UGT1A7: variants seen among roughly 807,000 people sequenced by gnomAD.
UGT1A7 encodes the protein UDP glucuronosyltransferase family 1 member A7, also known as UDP-glucuronosyltransferase 1A7.
A neutral mutation model predicts 45.6 loss-of-function variants in UGT1A7; 33 were observed. The observed-to-expected ratio is 0.72, with a 90% confidence interval of 0.55 to 0.97. The LOEUF is 0.97. Ranked by LOEUF, UGT1A7 falls within the 50% of genes least tolerant of loss-of-function variation. The pLI, the probability that UGT1A7 is intolerant of heterozygous loss-of-function variation, is 0.00. For missense variants in UGT1A7, 684 were observed against 666.2 expected (o/e 1.03, Z -0.29); for synonymous variants, 274 against 250.6 (o/e 1.09, Z -0.88).
chr2:233,690,785 A>G, intron 1 of UGT1A7: 5 of 1,137,854 alleles, frequency 4.4e-6, no homozygotes, highest in Non-Finnish European at 4.4e-6. Flanking sequence ...ATACACACAC[A>G]CACACACACA....
At chr2:233,707,961 T>C (rs971341619) in intron 1 of UGT1A7, among the ~76,000 whole-genome samples, 10 of 152,228 alleles carry the variant, frequency 6.6e-5, no homozygotes, top group Non-Finnish European at 1.2e-4. Flanking sequence ...CTTTTGCCCA[T>C]TCAAGTCTAT....
intron 1 of UGT1A7, among the ~76,000 whole-genome samples, chr2:233,746,470 A>C (rs1310621579): frequency 6.6e-6 from 1 of 151,764 alleles, no homozygotes; most frequent in Non-Finnish European, 1.5e-5. Context: ...AGGGTTCCAG[A>C]AACACTTTCC....
intron 1 of UGT1A7, chr2:233,693,997 C>T (rs2075194295): frequency 2.7e-6 from 4 of 1,507,132 alleles, no homozygotes; most frequent in Non-Finnish European, 3.6e-6. Flanking sequence ...TGATACCCGG[C>T]TCGGAGCAGC....
intron 1 of UGT1A7, among the ~76,000 whole-genome samples, chr2:233,717,241 CA>C (rs2076559700): frequency 6.6e-6 from 1 of 152,144 alleles, no homozygotes; most frequent in African/African-American, 2.4e-5. Context: ...AAGATGCAGA[CA>C]GTTTTAAGGG....
chr2:233,718,906 G>C (rs1018341076), intron 1 of UGT1A7: 4 of 1,613,954 alleles, frequency 2.5e-6, no homozygotes, highest in Admixed American at 1.7e-5. Context: ...GCTGAGAGTG[G>C]AAAGGTGTTG....
chr2:233,760,703 C>T, intron 1 of UGT1A7: 1 of 1,614,236 alleles, frequency 6.2e-7, no homozygotes. Flanking sequence ...CTCATGGCCT[C>T]CCTGGCAGAA....
intron 1 of UGT1A7, chr2:233,693,432 A>G: frequency 1.2e-6 from 2 of 1,614,148 alleles, no homozygotes; most frequent in Non-Finnish European, 1.7e-6. Flanking sequence ...AAGGAGAGCA[A>G]GTTTGATGCT....
chr2:233,691,024 G>A (rs2075025433), intron 1 of UGT1A7: 1 of 991,326 alleles, frequency 1.0e-6, no homozygotes, highest in African/African-American at 1.7e-5. Flanking sequence ...TGGTTGGAAG[G>A]GCTCAGACCA....
intron 1 of UGT1A7, chr2:233,713,927 C>G: frequency 6.2e-7 from 1 of 1,611,918 alleles, no homozygotes; most frequent in East Asian, 2.2e-5. Context: ...TATTTACTTA[C>G]AAGTGCTTCC....
At chr2:233,719,824 T>G in intron 1 of UGT1A7, 2 of 1,564,874 alleles carry the variant, frequency 1.3e-6, no homozygotes, top group South Asian at 2.4e-5. Context: ...GATAAACTGT[T>G]GAGGGGCCTA....
At chr2:233,764,979 T>C (rs775533661) in intron 1 of UGT1A7, among the ~76,000 whole-genome samples, 2 of 151,670 alleles carry the variant, frequency 1.3e-5, no homozygotes, top group Non-Finnish European at 2.9e-5. Flanking sequence ...GGATGGTCAG[T>C]GTCTGGGGCT....
intron 1 of UGT1A7, chr2:233,750,518 C>A (rs560132107): frequency 6.6e-6 from 1 of 152,090 alleles, no homozygotes; most frequent in South Asian, 2.1e-4. Flanking sequence ...ATTGCCAAGA[C>A]AATGGGGAAA....
intron 1 of UGT1A7, among the ~76,000 whole-genome samples, chr2:233,764,582 C>G (rs1698598624): frequency 6.6e-6 from 1 of 152,122 alleles, no homozygotes; most frequent in South Asian, 2.1e-4. Context: ...TAGACTCGGC[C>G]TTTTCCAGAT....
At chr2:233,727,715 G>T (rs2125728496) in intron 1 of UGT1A7, among the ~76,000 whole-genome samples, 1 of 152,312 alleles carries the variant, frequency 6.6e-6, no homozygotes, top group African/African-American at 2.4e-5. Context: ...CAAAGCCCTT[G>T]CAGACCTTCC....
chr2:233,704,256 C>T (rs1366792862), intron 1 of UGT1A7, among the ~76,000 whole-genome samples: 14 of 123,650 alleles, frequency 1.1e-4, no homozygotes, highest in South Asian at 2.6e-4. Context: ...GCCTTTATTG[C>T]TTTTTTTTTT....
chr2:233,692,805 GT>G, intron 1 of UGT1A7: 1 of 1,407,880 alleles, frequency 7.1e-7, no homozygotes, highest in South Asian at 1.5e-5. Context: ...CACGGCCATA[GT>G]TGGTTCATAT....
At chr2:233,707,276 C>T (rs1319518322) in intron 1 of UGT1A7, among the ~76,000 whole-genome samples, 1 of 152,048 alleles carries the variant, frequency 6.6e-6, no homozygotes, top group African/African-American at 2.4e-5. Flanking sequence ...ATTTTAAGTT[C>T]CAGGGCACAC....
chr2:233,686,248 G>A (rs931789955), intron 1 of UGT1A7, among the ~76,000 whole-genome samples: 3 of 149,774 alleles, frequency 2.0e-5, no homozygotes, highest in African/African-American at 7.3e-5. Flanking sequence ...TGGTTTCTGA[G>A]ATTTTTTTTT....
At chr2:233,693,366 T>A (rs141940106) in intron 1 of UGT1A7, 160 of 1,614,102 alleles carry the variant, frequency 9.9e-5, no homozygotes, top group Non-Finnish European at 1.3e-4. Flanking sequence ...GTTATTGGCC[T>A]GTACTTCATC....
Sources: allele counts gnomAD v4.1 joint callset (sites outside exome capture counted in the v4.1 genomes callset), GRCh38; gene constraint gnomAD v4.1.1; transcripts MANE v1.5; gene names NCBI Gene and HGNC (gene_info 2026-07-23, HGNC 2026-07-21).